Variants in LRRC1 observed in about 807,000 individuals in gnomAD.
LRRC1 encodes leucine rich repeat containing 1.
Under a neutral mutation model 69.9 loss-of-function variants are expected in LRRC1, and 28 were observed. The observed-to-expected ratio is 0.40, with a 90% CI of 0.30 to 0.55. The LOEUF is 0.55. Ranked by LOEUF, LRRC1 falls within the 20% of genes least tolerant of loss-of-function variation. The probability of loss-of-function intolerance (pLI) is 0.47; values close to 1 mark genes in which losing one functional copy is unlikely to be tolerated. For synonymous variants in LRRC1, 236 were observed against 240.2 expected, an observed-to-expected ratio of 0.98 and a Z score of 0.16; for missense variants, 498 against 609.0, an observed-to-expected ratio of 0.82 and a Z score of 1.92.
chr6:53,852,519 G>A (rs1490401376), intron 2 of LRRC1, among the ~76,000 whole-genome samples: 1 of 152,224 alleles, frequency 6.6e-6, no homozygotes, highest in Non-Finnish European at 1.5e-5. Context: ...TCTGTGAGGT[G>A]TGGCTATTAG....
intron 4 of LRRC1, among the ~76,000 whole-genome samples, chr6:53,885,054 C>A (rs1581898710): frequency 6.6e-6 from 1 of 152,202 alleles, no homozygotes; most frequent in Middle Eastern, 3.4e-3. Flanking sequence ...GTTTTCTATT[C>A]TTGGTTGTTA....
intron 1 of LRRC1, among the ~76,000 whole-genome samples, chr6:53,800,685 T>G (rs898189048): frequency 6.6e-6 from 1 of 151,610 alleles, no homozygotes; most frequent in Non-Finnish European, 1.5e-5. Flanking sequence ...TGTCGCCCAG[T>G]CTGGAGTGTG....
chr6:53,852,023 T>C (rs1766153322), intron 2 of LRRC1, among the ~76,000 whole-genome samples: 1 of 152,230 alleles, frequency 6.6e-6, no homozygotes, highest in Non-Finnish European at 1.5e-5. Context: ...TTGAAGTACT[T>C]CACTTTAGGC....
At chr6:53,901,519 C>T (rs969896474) in intron 8 of LRRC1, among the ~76,000 whole-genome samples, 3 of 151,698 alleles carry the variant, frequency 2.0e-5, no homozygotes, top group African/African-American at 7.3e-5. Context: ...GTACTCCAGC[C>T]TGGGCAATAG....
At chr6:53,900,053 T>TTTTTTTTTTC (rs1768007874) in intron 8 of LRRC1, among the ~76,000 whole-genome samples, 162 bp downstream of exon 8, 12 of 116,920 alleles carry the variant, frequency 1.0e-4, no homozygotes, top group African/African-American at 4.0e-4. Context: ...TTTTTTTTTT[T>TTTTTTTTTTC]CTGAGATGGA....
intron 2 of LRRC1, among the ~76,000 whole-genome samples, chr6:53,851,889 A>T (rs1309074607): frequency 2.6e-5 from 4 of 152,356 alleles, no homozygotes; most frequent in African/African-American, 7.2e-5. Context: ...ATTGATGGCC[A>T]CTGATAAGTT....
intron 2 of LRRC1, among the ~76,000 whole-genome samples, chr6:53,848,620 C>A (rs1420248108): frequency 1.3e-5 from 2 of 152,186 alleles, no homozygotes; most frequent in African/African-American, 4.8e-5. Flanking sequence ...AAGTGATCTT[C>A]CTTCCACTTG....
At chr6:53,921,991 C>G (rs1199747817) in intron 13 of LRRC1, among the ~76,000 whole-genome samples, 1 of 152,166 alleles carries the variant, frequency 6.6e-6, no homozygotes, top group Non-Finnish European at 1.5e-5. Flanking sequence ...AAAAGATGTA[C>G]ATGCTGTTTT....
intron 4 of LRRC1, among the ~76,000 whole-genome samples, chr6:53,890,486 G>T (rs949678304): frequency 2.0e-5 from 3 of 152,070 alleles, no homozygotes; most frequent in Non-Finnish European, 2.9e-5. Flanking sequence ...TGAACTAAGT[G>T]ATCCATGTGG....
chr6:53,880,929 T>A (rs1390467719), intron 3 of LRRC1, among the ~76,000 whole-genome samples: 3 of 152,176 alleles, frequency 2.0e-5, no homozygotes, highest in Non-Finnish European at 4.4e-5. Context: ...GCTGTTGGGT[T>A]TTTTTTAACC....
At chr6:53,908,697 T>G (rs1768314806) in intron 10 of LRRC1, among the ~76,000 whole-genome samples, 1 of 152,140 alleles carries the variant, frequency 6.6e-6, no homozygotes, top group Non-Finnish European at 1.5e-5. Flanking sequence ...TTTACTTTCT[T>G]GAAAGGGGGC....
At chr6:53,883,116 G>A in intron 4 of LRRC1, 140 bp downstream of exon 4, 1 of 590,938 alleles carries the variant, frequency 1.7e-6, no homozygotes, top group East Asian at 3.3e-5. Context: ...CTTCAAGAAA[G>A]ATTATAGCCA....
intron 10 of LRRC1, among the ~76,000 whole-genome samples, chr6:53,913,028 A>G (rs1003466064): frequency 6.6e-6 from 1 of 152,162 alleles, no homozygotes; most frequent in Non-Finnish European, 1.5e-5. Flanking sequence ...TGTTCAAGAG[A>G]ATCATTGGAT....
intron 1 of LRRC1, among the ~76,000 whole-genome samples, chr6:53,812,413 G>A (rs1468454689): frequency 7.9e-5 from 12 of 152,142 alleles, no homozygotes; most frequent in East Asian, 3.9e-4. Context: ...GAAAGAGGCC[G>A]GGCGCGGTGG....
intron 4 of LRRC1, among the ~76,000 whole-genome samples, chr6:53,890,946 A>G (rs888369772): frequency 3.3e-5 from 5 of 152,326 alleles, no homozygotes; most frequent in African/African-American, 1.2e-4. Context: ...ATGGAAAAAA[A>G]TTAACTCAAG....
intron 2 of LRRC1, among the ~76,000 whole-genome samples, chr6:53,844,785 A>T (rs1441006883): frequency 2.6e-5 from 4 of 152,162 alleles, no homozygotes; most frequent in African/African-American, 9.7e-5. Flanking sequence ...GAGGGAGTTA[A>T]CCATTCCCTT....
rs1290510850 is a variant in LRRC1, at chr6:53,868,115, G to A, written c.278-10878G>A. 3.3e-5 allele frequency among the ~76,000 whole-genome samples: 5 copies of A among 151,690 alleles called. No individual in the cohort carries two copies. In the East Asian group the frequency reaches 9.6e-4, roughly 29 times the overall value. ...AACTATATAATAATAAGTATTTCTAGTACTTTAAGGTACATAGATGGTTAT... is the reference window on the plus strand; with the variant it reads ...AACTATATAATAATAAGTATTTCTAATACTTTAAGGTACATAGATGGTTAT... On this transcript the variant is annotated intron_variant, in intron 2 of 13. Coordinates refer to ENST00000370888, the MANE Select transcript of LRRC1 (RefSeq NM_018214.5).
intron 1 of LRRC1, among the ~76,000 whole-genome samples, chr6:53,810,481 G>A (rs932277801): frequency 9.9e-5 from 15 of 152,072 alleles, no homozygotes; most frequent in Admixed American, 5.9e-4. Context: ...TTAGCCGGGC[G>A]TGGTCGTGGG....
At chr6:53,821,402 A>T (rs1765111711) in intron 1 of LRRC1, among the ~76,000 whole-genome samples, 1 of 152,158 alleles carries the variant, frequency 6.6e-6, no homozygotes, top group Non-Finnish European at 1.5e-5. Context: ...ACATTATTAT[A>T]TTTATTTTTC....
Sources: allele counts gnomAD v4.1 joint callset (sites outside exome capture counted in the v4.1 genomes callset), GRCh38; gene constraint gnomAD v4.1.1; transcripts MANE v1.5; gene names NCBI Gene and HGNC (gene_info 2026-07-23, HGNC 2026-07-21).